Variants in SKOR2 observed in about 807,000 individuals in gnomAD.
SKOR2 encodes the protein SKI family transcriptional corepressor 2, also known as LBX1 corepressor 1-like protein.
A neutral mutation model predicts 69.1 loss-of-function variants in SKOR2; 47 were observed. The ratio of observed to expected loss-of-function variants is 0.68; its 90% CI spans 0.54 to 0.87. The LOEUF (loss-of-function observed/expected upper bound fraction) is 0.87, where lower values mean the gene tolerates loss of function less well. SKOR2 is among the 40% of genes least tolerant of loss of function. SKOR2 has a pLI of 0.00. For synonymous variants in SKOR2, 717 were observed against 672.6 expected, an observed-to-expected ratio of 1.07 and a Z score of -1.02; for missense variants, 1,404 against 1,472.2, an observed-to-expected ratio of 0.95 and a Z score of 0.76.
intron 7 of SKOR2, among the ~76,000 whole-genome samples, chr18:47,214,707 G>T (rs567003808): frequency 6.6e-6 from 1 of 152,248 alleles, no homozygotes; most frequent in South Asian, 2.1e-4. Flanking sequence ...TCATCAAATA[G>T]TGGTGCCTCT....
intron 7 of SKOR2, among the ~76,000 whole-genome samples, chr18:47,216,749 A>C (rs988299670): frequency 2.6e-5 from 4 of 152,188 alleles, no homozygotes; most frequent in Non-Finnish European, 5.9e-5. Flanking sequence ...GATGGTTTTA[A>C]TATATTTGAA....
At chr18:47,225,160 A>G (rs543580695) in intron 6 of SKOR2, among the ~76,000 whole-genome samples, 6 of 152,350 alleles carry the variant, frequency 3.9e-5, no homozygotes, top group African/African-American at 1.4e-4. Context: ...TTTGTTTTTA[A>G]TAACAAGGAC....
At chr18:47,213,876 G>C (rs2064135651) in intron 7 of SKOR2, among the ~76,000 whole-genome samples, 1 of 152,076 alleles carries the variant, frequency 6.6e-6, no homozygotes, top group Admixed American at 6.6e-5. Context: ...TATTAACACA[G>C]ACCCCTTTGA....
chr18:47,209,216 T>G (rs2064121099), intron 8 of SKOR2, among the ~76,000 whole-genome samples: 1 of 152,146 alleles, frequency 6.6e-6, no homozygotes, highest in African/African-American at 2.4e-5. Context: ...GTGGATTGCC[T>G]GTGGTTTTGA....
intron 4 of SKOR2, among the ~76,000 whole-genome samples, chr18:47,239,301 T>G (rs897471502): frequency 1.3e-5 from 2 of 151,808 alleles, no homozygotes; most frequent in Non-Finnish European, 2.9e-5. Flanking sequence ...ATTGAATGAC[T>G]TCCCCTGTGA....
At chr18:47,238,315 CTTTTCTT>C (rs1395776450) in intron 4 of SKOR2, among the ~76,000 whole-genome samples, 12 of 129,384 alleles carry the variant, frequency 9.3e-5, no homozygotes, top group Non-Finnish European at 1.6e-4. Flanking sequence ...TTTTTCTTTT[CTTTTCTT>C]TTTTTTTTTT....
At chr18:47,237,805 T>C (rs1342013831) in intron 4 of SKOR2, among the ~76,000 whole-genome samples, 1 of 151,618 alleles carries the variant, frequency 6.6e-6, no homozygotes, top group African/African-American at 2.4e-5. Context: ...CATGCGATCC[T>C]CCCACTTCAG....
At chr18:47,231,609 C>T (rs543745501) in intron 4 of SKOR2, among the ~76,000 whole-genome samples, 6 of 152,040 alleles carry the variant, frequency 3.9e-5, no homozygotes, top group Admixed American at 6.5e-5. Context: ...TTTGGGATGC[C>T]GAGGCGGGCA....
chr18:47,212,293 A>G (rs1262749079), intron 7 of SKOR2, 142 bp from the exon 8 acceptor site: 18 of 695,068 alleles, frequency 2.6e-5, no homozygotes, highest in Middle Eastern at 4.5e-4. Context: ...GCTCAGCGGT[A>G]TGAGGTTTCT....
Position 47,246,806 on chromosome 18 carries a change from G to T in SKOR2, c.2378C>A (p.Pro793Gln). 7.1e-7 allele frequency: 1 copy of T among 1,415,484 alleles called. No individual in the cohort carries two copies. The highest frequency in any genetic ancestry group is 9.1e-7 in the Non-Finnish European group (1 of 1,094,476). 87.7% of individuals were successfully genotyped at this position (1,415,484 alleles called of 1,614,324 possible). Residue 793 changes from proline (P) to glutamine (Q), a missense_variant, in exon 2 of 9, where the codon CCG becomes CAG. Physicochemically the swap from Pro to Gln is moderately conservative, Grantham distance 76. This residue lies in a region of SKOR2 where 1,266 missense variants were observed against 1,309.9 expected (regional missense o/e 0.97). Coordinates refer to ENST00000425639, the MANE Select transcript of SKOR2 (RefSeq NM_001278063.4). ...GTCCCGGCTGCTCCCCTTCTCCGAC[G>T]GCCCTCGGCCCTGGAGGAACCGGCC... ...GGGRFLQGRG[P>Q]SEKGSSRDRA...
In SKOR2 at chr18:47,249,208, G is replaced by A. The variant is rs759312472; in HGVS notation, c.-25C>T. ...TCTCCGCCGCAGAACCCCGGGCCGA[G>A]CCCTACAGGTCTGCCTTGGACACTG... On this transcript the variant is annotated 5_prime_UTR_variant, in exon 2 of 9. Transcript: ENST00000425639. 8.4e-5 allele frequency: 129 copies of A among 1,528,278 alleles called. No individual in the cohort carries two copies. Among genetic ancestry groups the A allele is most frequent in the Non-Finnish European group, 1.1e-4 (126 of 1,143,046 alleles). 94.7% of individuals were successfully genotyped at this position (1,528,278 alleles called of 1,614,324 possible).
chr18:47,238,349 G>A (rs1486968712), intron 4 of SKOR2, among the ~76,000 whole-genome samples: 1 of 128,784 alleles, frequency 7.8e-6, no homozygotes, highest in African/African-American at 3.1e-5. Flanking sequence ...TTGAGAGGGA[G>A]TCTTGCTCTG....
rs530299798 is a variant in SKOR2 at position 47,230,981 on chromosome 18, G to C, written c.2772C>G (p.Thr924=). The part of the protein sequence containing the change: ...RERSGEHTQE[T]NSPHSLKKDV... ...CCTTTTTCAGTGAATGAGGTGAGTT[G>C]GTTTCTTGTGTATGTTCACCTTTTA... The change falls in exon 5 of 9, where the codon ACC becomes ACG. Residue 924 remains threonine (T), a synonymous_variant. Coordinates refer to ENST00000425639, the MANE Select transcript of SKOR2 (RefSeq NM_001278063.4). 148 of 1,533,134 alleles carry C rather than the reference G, an allele frequency of 9.7e-5. 2 individuals carry two copies. In the South Asian group the frequency reaches 1.6e-3, roughly 17 times the overall value. The allele number at this position is 1,533,134 out of a possible 1,614,324, so 95.0% of individuals were successfully genotyped here. A position where few individuals can be genotyped will look rare whatever the true frequency, so the allele number is the denominator to read the frequency against.
intron 6 of SKOR2, among the ~76,000 whole-genome samples, chr18:47,227,323 C>A (rs1169382886): frequency 6.8e-6 from 1 of 146,646 alleles, no homozygotes; most frequent in Non-Finnish European, 1.5e-5. Flanking sequence ...CGACAAGAAG[C>A]CAATTTTTTT....
chr18:47,221,357 T>C (rs771518303), intron 6 of SKOR2, among the ~76,000 whole-genome samples: 7 of 152,120 alleles, frequency 4.6e-5, no homozygotes, highest in Non-Finnish European at 1.0e-4. Flanking sequence ...CTGGGAACAT[T>C]AGAGGGGAGA....
At chr18:47,234,962 A>C (rs1020685170) in intron 4 of SKOR2, among the ~76,000 whole-genome samples, 1 of 152,074 alleles carries the variant, frequency 6.6e-6, no homozygotes, top group Non-Finnish European at 1.5e-5. Context: ...TATTTCTTGG[A>C]AGCCCAGCCT....
intron 4 of SKOR2, among the ~76,000 whole-genome samples, chr18:47,232,239 C>T (rs891191185): frequency 6.6e-6 from 1 of 152,136 alleles, no homozygotes; most frequent in Non-Finnish European, 1.5e-5. Context: ...GACTTGCTTG[C>T]TGATATCTCT....
In SKOR2 at chr18:47,222,043, G is replaced by T. The variant is rs551108609; in HGVS notation, c.2918-2033C>A. On this transcript the variant is annotated intron_variant, in intron 6 of 8. Coordinates refer to ENST00000425639, the MANE Select transcript of SKOR2 (RefSeq NM_001278063.4). ...GCATTTTAAGCTTTGATGACAGGCC[G>T]AGTGTGGTGGCTCAAGCCAATAATC... is the stretch of plus-strand genomic sequence containing the variant. 4.6e-5 allele frequency among the ~76,000 whole-genome samples: 7 copies of T among 152,294 alleles called. No homozygotes were observed. The South Asian group carries it at 1.5e-3, about 32-fold the overall frequency.
intron 6 of SKOR2, among the ~76,000 whole-genome samples, chr18:47,228,080 T>C (rs922438580): frequency 2.0e-5 from 3 of 152,216 alleles, no homozygotes; most frequent in Admixed American, 6.5e-5. Context: ...AATCTTGGTT[T>C]TCCCCTTTTC....
Sources: allele counts gnomAD v4.1 joint callset (sites outside exome capture counted in the v4.1 genomes callset), GRCh38; gene constraint gnomAD v4.1.1; regional missense constraint gnomAD v4.1.1; transcripts MANE v1.5; gene names NCBI Gene and HGNC (gene_info 2026-07-23, HGNC 2026-07-21).